The following TM4SF19 variants were observed in gnomAD, a reference collection of about 807,000 sequenced individuals.
TM4SF19 encodes transmembrane 4 L6 family member 19.
TM4SF19 carries 17 observed loss-of-function variants against 21.8 expected under a neutral mutation model. The ratio of observed to expected loss-of-function variants is 0.78; its 90% CI spans 0.53 to 1.17. TM4SF19 has a LOEUF of 1.17. TM4SF19 is among the 50% of genes most tolerant of loss of function. The pLI is 0.00. For missense variants in TM4SF19, 216 were observed against 252.1 expected (o/e 0.86, Z 0.97); for synonymous variants, 107 against 106.7 (o/e 1.00, Z -0.02).
In TM4SF19 at chr3:196,324,148, G is replaced by A. The variant is rs778841364; in HGVS notation, c.449+123C>T. The A allele has an allele frequency of 4.8e-6, 7 of 1,444,410 alleles. No individual in the cohort carries two copies. The African/African-American group carries it at 8.5e-5, about 17-fold the overall frequency. 89.5% of individuals were successfully genotyped at this position (1,444,410 alleles called of 1,614,324 possible). On this transcript the variant is annotated intron_variant, in intron 4 of 4. Transcript: ENST00000273695. Reference sequence around the variant, plus strand: ...TACTGCTCCATTTGCAATTTTCTGAGTATCAGAGGAGCAAGATGCTAGGAT... The same window carrying A: ...TACTGCTCCATTTGCAATTTTCTGAATATCAGAGGAGCAAGATGCTAGGAT...
intron 1 of TM4SF19, among the ~76,000 whole-genome samples, chr3:196,328,072 C>T (rs972828815): frequency 6.6e-6 from 1 of 152,150 alleles, no homozygotes; most frequent in South Asian, 2.1e-4. Flanking sequence ...GAGGCTGAGG[C>T]AGGCGGATCA....
intron 1 of TM4SF19, among the ~76,000 whole-genome samples, chr3:196,331,466 AATTT>A (rs1253594743): frequency 1.3e-5 from 2 of 151,136 alleles, no homozygotes; most frequent in East Asian, 1.9e-4. Context: ...TTATTTATTT[AATTT>A]ATTTATTTAT....
intron 1 of TM4SF19, among the ~76,000 whole-genome samples, chr3:196,334,839 TG>T (rs34401339): frequency 3.5e-5 from 2 of 56,928 alleles, no homozygotes; most frequent in Non-Finnish European, 7.0e-5. Context: ...CCTGAGAAGG[TG>T]GGGGTTAGGA....
rs1421981760 is a variant in TM4SF19, at chr3:196,329,091, C to A, written c.-1-1500G>T. ...CCCAAGTAGCTGGGATTACAGGTGC[C>A]CGCCACCATGCCCGGTAATTTTTTG... On this transcript the variant is annotated intron_variant, in intron 1 of 4. Coordinates refer to ENST00000273695, the MANE Select transcript of TM4SF19 (RefSeq NM_138461.4). Among the ~76,000 whole-genome samples the A allele has an allele frequency of 9.9e-5, 7 of 71,044 alleles. 1 individual carries two copies. Among genetic ancestry groups the A allele is most frequent in the African/African-American group, 2.3e-4 (6 of 25,720 alleles). 46.6% of individuals were successfully genotyped at this position (71,044 alleles called of 152,430 possible).
At chr3:196,337,277 A>G (rs1334092435) in intron 1 of TM4SF19, among the ~76,000 whole-genome samples, 1 of 151,920 alleles carries the variant, frequency 6.6e-6, no homozygotes, top group African/African-American at 2.4e-5. Context: ...AGGCTGGCCA[A>G]AAAGTAATTC....
At chr3:196,332,740 G>A (rs1177167591) in intron 1 of TM4SF19, among the ~76,000 whole-genome samples, 1 of 151,862 alleles carries the variant, frequency 6.6e-6, no homozygotes, top group Non-Finnish European at 1.5e-5. Context: ...CTTATGATGG[G>A]GTCGAACTCC....
rs1413747289 is a variant in TM4SF19, at chr3:196,324,318, C to G, written c.402G>C (p.Gln134His). 1 of 1,614,144 alleles carries G rather than the reference C, an allele frequency of 6.2e-7. No homozygotes were observed. The highest frequency in any genetic ancestry group is 2.2e-5 in the East Asian group (1 of 44,888). ...GGTAACCATATTTCCAAGCTTGTGT[C>G]TGATTGAAGGATGAAACATCAAACA... ...FCMFDVSSFN[Q>H]TQAWKYGYPF... The change falls in exon 4 of 5, where the codon CAG (glutamine) becomes CAC (histidine). Residue 134 changes from glutamine (Q) to histidine (H), a missense_variant. Transcript: ENST00000273695.
intron 1 of TM4SF19, among the ~76,000 whole-genome samples, chr3:196,337,872 C>T (rs753651901): frequency 5.9e-5 from 9 of 152,074 alleles, no homozygotes; most frequent in Non-Finnish European, 1.2e-4. Flanking sequence ...AGCCGAATCT[C>T]TCCCCCGAGA....
intron 1 of TM4SF19, among the ~76,000 whole-genome samples, chr3:196,333,644 C>G (rs1019442238): frequency 6.6e-6 from 1 of 152,080 alleles, no homozygotes; most frequent in African/African-American, 2.4e-5. Flanking sequence ...CTGTAGGTAC[C>G]GCGCTCACTA....
chr3:196,327,343 C>T, intron 2 of TM4SF19, 47 bp downstream of exon 2: 1 of 1,578,136 alleles, frequency 6.3e-7, no homozygotes, highest in Non-Finnish European at 8.7e-7. Flanking sequence ...CTGCTCCCCG[C>T]CGGGGTCTCT....
intron 1 of TM4SF19, among the ~76,000 whole-genome samples, chr3:196,336,873 C>G (rs984186547): frequency 7.9e-5 from 12 of 152,106 alleles, no homozygotes; most frequent in African/African-American, 2.9e-4. Flanking sequence ...ACATCTGTGT[C>G]TCTCCCTCGC....
In TM4SF19 at chr3:196,327,371, G is replaced by T. The variant is rs758297072; in HGVS notation, c.201+19C>A. 1.9e-6 allele frequency: 3 copies of T among 1,610,388 alleles called. No homozygotes were observed. The highest frequency in any genetic ancestry group is 1.3e-5 in the African/African-American group (1 of 74,860). On this transcript the variant is annotated intron_variant, in intron 2 of 4. Transcript: ENST00000273695. ...GGGTCTCTTTGAGAGTTCACGTTCA[G>T]GGAACCCCGGACACTTACCATGAGG...
chr3:196,332,759 C>T (rs773551982), intron 1 of TM4SF19, among the ~76,000 whole-genome samples: 7 of 151,824 alleles, frequency 4.6e-5, no homozygotes, highest in Middle Eastern at 3.4e-3. Context: ...CCTATAAACC[C>T]GTTGTAAGTC....
chr3:196,337,589 C>G (rs138759201), intron 1 of TM4SF19, among the ~76,000 whole-genome samples: 1 of 152,176 alleles, frequency 6.6e-6, no homozygotes, highest in African/African-American at 2.4e-5. Flanking sequence ...TAGTGCTGCT[C>G]CGCGGGTAAG....
rs531085197 is a variant in TM4SF19 at position 196,324,271 on chromosome 3, C to T, written c.449G>A (p.Arg150Lys). 1.9e-6 allele frequency: 3 copies of T among 1,613,948 alleles called. No homozygotes were observed. The highest frequency in any genetic ancestry group is 1.7e-5 in the Admixed American group (1 of 59,988). The change falls in exon 4 of 5, where the codon AGG (arginine) becomes AAG (lysine). Residue 150 changes from arginine (R) to lysine (K), a missense_variant and splice_region_variant. Coordinates refer to ENST00000273695, the MANE Select transcript of TM4SF19 (RefSeq NM_138461.4). ...CAAGCCCAAGCCTCCACCCATTTAC[C>T]TACTATGCAGGTCTTTGAATGGGTA... ...YGYPFKDLHS[R>K]NYLYDRSLWN...
intron 1 of TM4SF19, among the ~76,000 whole-genome samples, chr3:196,330,124 G>A (rs909965787): frequency 3.4e-5 from 5 of 147,960 alleles, no homozygotes; most frequent in Non-Finnish European, 6.0e-5. Flanking sequence ...TGCCCGCCTC[G>A]GCCTCCCACC....
Position 196,329,722 on chromosome 3 carries a change from T to C in TM4SF19, c.-1-2131A>G, listed in dbSNP as rs754066655. 4.8e-5 allele frequency among the ~76,000 whole-genome samples: 6 copies of C among 124,692 alleles called. 1 individual carries two copies. The highest frequency in any genetic ancestry group is 9.3e-5 in the Admixed American group (1 of 10,798). The allele number at this position is 124,692 out of a possible 152,430, so 81.8% of individuals were successfully genotyped here. ...AAGCCAGACACTAAAGGACAAATAT[T>C]GTATGATTCCACTTATATGAAATAT... On this transcript the variant is annotated intron_variant, in intron 1 of 4. Coordinates refer to ENST00000273695, the MANE Select transcript of TM4SF19 (RefSeq NM_138461.4).
Position 196,326,991 on chromosome 3 carries a change from T to C in TM4SF19, c.243A>G (p.Arg81=). The part of the protein sequence containing the change: ...AAILISLMGW[R]YGCFSKSGLC... ...GCCCACTCTTACTGAAGCAGCCGTA[T>C]CTCCAGCCCATCAAGGAGATGAGGA... Residue 81 remains arginine (R), a synonymous_variant, in exon 3 of 5, where the codon AGA becomes AGG. Transcript: ENST00000273695. The C allele has an allele frequency of 6.2e-7, 1 of 1,611,724 alleles. No individual in the cohort carries two copies. The highest frequency in any genetic ancestry group is 8.5e-7 in the Non-Finnish European group (1 of 1,178,022).
Position 196,329,133 on chromosome 3 carries a change from G to A in TM4SF19, c.-1-1542C>T, listed in dbSNP as rs538104555. On this transcript the variant is annotated intron_variant, in intron 1 of 4. Transcript: ENST00000273695. ...AATTTTTTGTATTTTTAGTAGAGAC[G>A]GGGTTTCACCGTGTTAGCCAGGACG... Among the ~76,000 whole-genome samples the A allele has an allele frequency of 2.4e-4, 30 of 125,192 alleles. 4 individuals carry two copies. The highest frequency in any genetic ancestry group is 7.8e-4 in the African/African-American group (29 of 37,412). 82.1% of individuals were successfully genotyped at this position (125,192 alleles called of 152,430 possible). A position where few individuals can be genotyped will look rare whatever the true frequency, so the allele number is the denominator to read the frequency against.
Sources: allele counts gnomAD v4.1 joint callset (sites outside exome capture counted in the v4.1 genomes callset), GRCh38; gene constraint gnomAD v4.1.1; transcripts MANE v1.5; gene names NCBI Gene and HGNC (gene_info 2026-07-23, HGNC 2026-07-21).